Variants in NAALADL2 observed in about 807,000 individuals in gnomAD.
NAALADL2 encodes N-acetylated alpha-linked acidic dipeptidase like 2, also known as inactive N-acetylated-alpha-linked acidic dipeptidase-like protein 2.
In NAALADL2, 76 loss-of-function variants were observed where a neutral mutation model predicts 87.2. That is an observed-to-expected ratio of 0.87 (90% confidence interval 0.72 to 1.05). The LOEUF is 1.05. NAALADL2 is among the 50% of genes least tolerant of loss of function. The probability of loss-of-function intolerance (pLI) is 0.00; values close to 1 mark genes in which losing one functional copy is unlikely to be tolerated. For synonymous variants in NAALADL2, 354 were observed against 331.0 expected (o/e 1.07, Z -0.75); for missense variants, 1,089 against 945.8 (o/e 1.15, Z -1.99).
At chr3:174,836,667 C>T (rs1352981985) in intron 3 of NAALADL2, among the ~76,000 whole-genome samples, 1 of 137,070 alleles carries the variant, frequency 7.3e-6, no homozygotes, top group Non-Finnish European at 1.5e-5. Flanking sequence ...CGAAATCGCG[C>T]CACAGCACTC....
chr3:174,554,509 C>T (rs2108497773), intron 2 of NAALADL2, among the ~76,000 whole-genome samples: 1 of 151,498 alleles, frequency 6.6e-6, no homozygotes, highest in South Asian at 2.1e-4. Flanking sequence ...CCCCTCCTTC[C>T]TTTCTTCTTT....
At chr3:175,127,905 G>A (rs577082311) in intron 2 of NAALADL2, among the ~76,000 whole-genome samples, 5 of 152,126 alleles carry the variant, frequency 3.3e-5, no homozygotes, top group African/African-American at 1.2e-4. Context: ...AAAAATGATG[G>A]AAGTAAAAAC....
intron 9 of NAALADL2, among the ~76,000 whole-genome samples, chr3:175,542,144 C>T (rs1051959522): frequency 2.0e-5 from 3 of 152,040 alleles, no homozygotes; most frequent in African/African-American, 7.2e-5. Context: ...AGTGTAATGG[C>T]TTTGAATGAA....
At chr3:174,454,551 A>G (rs931321836) in intron 1 of NAALADL2, among the ~76,000 whole-genome samples, 2 of 152,224 alleles carry the variant, frequency 1.3e-5, no homozygotes, top group Non-Finnish European at 2.9e-5. Context: ...CTCAGACAAC[A>G]GCAGCAGAAA....
intron 1 of NAALADL2, chr3:174,863,835 T>C (rs545731620): frequency 3.5e-5 from 10 of 283,398 alleles, no homozygotes; most frequent in South Asian, 3.1e-4. Context: ...TAATAGCATT[T>C]TCAATTAACA....
At chr3:174,987,534 A>G (rs1434946371) in intron 1 of NAALADL2, among the ~76,000 whole-genome samples, 1 of 114,742 alleles carries the variant, frequency 8.7e-6, no homozygotes, top group Non-Finnish European at 1.6e-5. Context: ...GCGCCACTGC[A>G]CTCCAGCCTG....
intron 1 of NAALADL2, among the ~76,000 whole-genome samples, chr3:174,960,180 G>A (rs1005487960): frequency 6.6e-6 from 1 of 152,000 alleles, no homozygotes; most frequent in African/African-American, 2.4e-5. Flanking sequence ...TAACCTTATT[G>A]TTGACTTTAA....
At chr3:175,560,769 G>A (rs545820402) in intron 9 of NAALADL2, among the ~76,000 whole-genome samples, 43 of 152,192 alleles carry the variant, frequency 2.8e-4, no homozygotes, top group African/African-American at 9.6e-4. Context: ...TTACAGGCAC[G>A]CGCCATCATG....
intron 2 of NAALADL2, among the ~76,000 whole-genome samples, chr3:175,201,092 A>G (rs1189687409): frequency 6.6e-6 from 1 of 152,130 alleles, no homozygotes; most frequent in African/African-American, 2.4e-5. Context: ...TCTCTCTCTA[A>G]TAACACAATG....
intron 11 of NAALADL2, among the ~76,000 whole-genome samples, chr3:175,643,995 A>G (rs1729638303): frequency 2.0e-5 from 3 of 152,206 alleles, no homozygotes; most frequent in Admixed American, 2.0e-4. Context: ...CCAGTCTGAT[A>G]TGTGTAAGAG....
intron 2 of NAALADL2, among the ~76,000 whole-genome samples, chr3:174,726,565 C>A (rs963412351): frequency 6.6e-6 from 1 of 151,996 alleles, no homozygotes; most frequent in Non-Finnish European, 1.5e-5. Flanking sequence ...GAGCCCATTC[C>A]GAATCCCAGC....
rs899079966 is a variant in NAALADL2 at position 175,240,646 on chromosome 3, T to TTTTG, written c.819+6462_819+6465dup. ...AACACAGAAATGTGAACTTCGAAGT[T>TTTTG]TTTGTTTGTTTGTTTGTTTGTTTTT... On this transcript the variant is annotated intron_variant, in intron 3 of 13. Coordinates refer to ENST00000454872, the MANE Select transcript of NAALADL2 (RefSeq NM_207015.3). Among the ~76,000 whole-genome samples the TTTTG allele has an allele frequency of 1.6e-4, 24 of 152,146 alleles. No homozygotes were observed. The East Asian group carries it at 2.3e-3, about 15-fold the overall frequency.
chr3:174,613,203 G>T lies in NAALADL2; in HGVS notation c.-115+62566G>T, dbSNP rs547912610. The stretch of plus-strand genomic sequence containing the variant: ...GGAGTGGAGGGACAAAAGCTCCCAT[G>T]TGGCCACCATCACCAGGACTGTGCT... On this transcript the variant is annotated intron_variant, in intron 2 of 3. Transcript: ENST00000434257. Among the ~76,000 whole-genome samples, 106 of 152,330 alleles carry T rather than the reference G, an allele frequency of 7.0e-4. 1 individual carries two copies. The highest frequency in any genetic ancestry group is 2.4e-3 in the African/African-American group (101 of 41,578).
At chr3:174,931,836 A>T (rs1736933083) in intron 1 of NAALADL2, among the ~76,000 whole-genome samples, 1 of 152,182 alleles carries the variant, frequency 6.6e-6, no homozygotes, top group African/African-American at 2.4e-5. Flanking sequence ...TGAGACCTAA[A>T]CAAATTGTGA....
chr3:175,564,578 G>C (rs1364527370), intron 9 of NAALADL2, among the ~76,000 whole-genome samples: 1 of 152,126 alleles, frequency 6.6e-6, no homozygotes, highest in Non-Finnish European at 1.5e-5. Context: ...CCTCAAGAAG[G>C]CTGGTGAAAT....
chr3:174,787,599 A>ATACATATATATATATATATATATG (rs1560225659), intron 3 of NAALADL2, among the ~76,000 whole-genome samples: 1 of 67,882 alleles, frequency 1.5e-5, no homozygotes, highest in African/African-American at 5.2e-5. Flanking sequence ...ATATATATAT[A>ATACATATATATATATATATATATG]TATATATATA....
chr3:175,396,148 C>T (rs571223512), intron 5 of NAALADL2, among the ~76,000 whole-genome samples: 1 of 152,196 alleles, frequency 6.6e-6, no homozygotes, highest in East Asian at 1.9e-4. Flanking sequence ...TGACCGTCTT[C>T]CTAGGTAACC....
At chr3:175,252,005 G>A (rs1385602132) in intron 3 of NAALADL2, among the ~76,000 whole-genome samples, 2 of 152,312 alleles carry the variant, frequency 1.3e-5, no homozygotes, top group South Asian at 2.1e-4. Context: ...GTACTATTTA[G>A]AGAAGATGAG....
intron 13 of NAALADL2, among the ~76,000 whole-genome samples, chr3:175,767,117 C>T (rs576418040): frequency 6.6e-5 from 10 of 152,164 alleles, no homozygotes; most frequent in African/African-American, 1.9e-4. Flanking sequence ...ACAGTCACCT[C>T]GGAGGAGTAC....
Sources: gnomAD v4.1 joint callset for allele counts (sites outside exome capture counted in the v4.1 genomes callset) on GRCh38, gnomAD v4.1.1 for gene constraint, MANE v1.5 for transcripts, NCBI Gene and HGNC (gene_info 2026-07-23, HGNC 2026-07-21) for gene names.